The following RXFP1 variants were observed in gnomAD, a reference collection of about 807,000 sequenced individuals.
RXFP1 encodes the protein relaxin receptor 1.
Under a neutral mutation model 89.8 loss-of-function variants are expected in RXFP1, and 73 were observed. The observed-to-expected ratio is 0.81, with a 90% CI of 0.67 to 0.99. The LOEUF is 0.99. Among genes scored for constraint, RXFP1 ranks in the 50% least tolerant of loss-of-function variants. The pLI, the probability that RXFP1 is intolerant of heterozygous loss-of-function variation, is 0.00. For synonymous variants in RXFP1, 277 were observed against 305.5 expected (o/e 0.91, Z 0.97); for missense variants, 793 against 895.5 (o/e 0.89, Z 1.46).
intron 1 of RXFP1, among the ~76,000 whole-genome samples, chr4:158,553,688 G>A (rs2149901230): frequency 6.6e-6 from 1 of 152,276 alleles, no homozygotes; most frequent in East Asian, 1.9e-4. Flanking sequence ...GAAGGTTAGA[G>A]TCATATTTCT....
intron 6 of RXFP1, chr4:158,610,683 C>T: frequency 1.6e-6 from 2 of 1,289,646 alleles, no homozygotes; most frequent in Non-Finnish European, 2.0e-6. Flanking sequence ...CTGGGCAAAA[C>T]AGGTGAGCAT....
chr4:158,628,952 C>A (rs1767484446), intron 11 of RXFP1, among the ~76,000 whole-genome samples: 1 of 106,098 alleles, frequency 9.4e-6, no homozygotes, highest in East Asian at 2.0e-4. Context: ...ATAATAAAGC[C>A]AGTATAAAAT....
At chr4:158,538,042 C>G (rs939390697) in intron 1 of RXFP1, among the ~76,000 whole-genome samples, 1 of 152,130 alleles carries the variant, frequency 6.6e-6, no homozygotes, top group East Asian at 1.9e-4. Context: ...CAGACCAAAC[C>G]TAGCACATCA....
intron 17 of RXFP1, among the ~76,000 whole-genome samples, chr4:158,649,567 C>T (rs114107051): frequency 0.013 from 1,935 of 152,128 alleles, 30 homozygotes; most frequent in African/African-American, 0.042. Context: ...GCCATGATTG[C>T]ACCACTGCAC....
At chr4:158,541,091 T>G (rs1028645129) in intron 1 of RXFP1, among the ~76,000 whole-genome samples, 1 of 152,174 alleles carries the variant, frequency 6.6e-6, no homozygotes, top group Admixed American at 6.6e-5. Flanking sequence ...CTGCCCTTGA[T>G]GGCATTCAGA....
intron 1 of RXFP1, 52 bp from the exon 2 acceptor site, chr4:158,572,646 C>T (rs529788116): frequency 1.7e-5 from 26 of 1,528,592 alleles, no homozygotes; most frequent in South Asian, 1.7e-4. Context: ...CTCTTTGCCA[C>T]GCCTTTGTAT....
At chr4:158,578,956 A>T (rs1269207113) in intron 2 of RXFP1, among the ~76,000 whole-genome samples, 5 of 149,294 alleles carry the variant, frequency 3.3e-5, no homozygotes, top group African/African-American at 5.0e-5. Context: ...ATTTGGAAAT[A>T]GGGTCTTTGC....
intron 9 of RXFP1, among the ~76,000 whole-genome samples, chr4:158,619,356 G>T (rs575770864): frequency 6.6e-6 from 1 of 152,270 alleles, no homozygotes; most frequent in South Asian, 2.1e-4. Context: ...CAGTCATAAG[G>T]TAGCCAAATA....
chr4:158,647,717 A>T (rs936455456), intron 16 of RXFP1, among the ~76,000 whole-genome samples: 1 of 152,060 alleles, frequency 6.6e-6, no homozygotes, highest in African/African-American at 2.4e-5. Context: ...AATTATTTTT[A>T]AAAAATTAGC....
In RXFP1 at chr4:158,575,912, G is replaced by T. The variant is rs577849009; in HGVS notation, c.187+3077G>T. On this transcript the variant is annotated intron_variant, in intron 2 of 17. Coordinates refer to ENST00000307765, the MANE Select transcript of RXFP1 (RefSeq NM_021634.4). ...ATTTAGCTTATGATTCTTGGGGTCA[G>T]CAATTTTGGATGGACTCCACTGAGA... is the stretch of plus-strand genomic sequence containing the variant. Among the ~76,000 whole-genome samples the T allele has an allele frequency of 2.0e-5, 3 of 152,270 alleles. No individual in the cohort carries two copies. In the East Asian group the frequency reaches 5.8e-4, roughly 29 times the overall value.
intron 2 of RXFP1, among the ~76,000 whole-genome samples, chr4:158,585,708 A>G (rs550475461): frequency 6.6e-6 from 1 of 152,346 alleles, no homozygotes; most frequent in Admixed American, 6.5e-5. Flanking sequence ...CTTAGTAGTC[A>G]CTGAGGTATA....
chr4:158,544,357 G>T, intron 1 of RXFP1: 1 of 985,186 alleles, frequency 1.0e-6, no homozygotes, highest in Non-Finnish European at 1.2e-6. Flanking sequence ...TGCACTGAAG[G>T]ATTTCAAAAG....
intron 9 of RXFP1, among the ~76,000 whole-genome samples, chr4:158,619,528 A>G (rs1765208854): frequency 6.6e-6 from 1 of 152,226 alleles, no homozygotes; most frequent in Non-Finnish European, 1.5e-5. Flanking sequence ...AGTGCTTTAA[A>G]AGAACTGGGA....
chr4:158,599,542 C>A, intron 4 of RXFP1, 111 bp downstream of exon 4: 1 of 881,456 alleles, frequency 1.1e-6, no homozygotes, highest in Non-Finnish European at 1.7e-6. Context: ...AAGATGATGT[C>A]ATTTTTCCTG....
chr4:158,646,188 T>C lies in RXFP1; in HGVS notation c.1346-603T>C, dbSNP rs139516745. 4.4e-4 allele frequency: 127 copies of C among 285,900 alleles called. 1 individual carries two copies. The highest frequency in any genetic ancestry group is 2.6e-3 in the African/African-American group (113 of 44,040). 17.7% of individuals were successfully genotyped at this position (285,900 alleles called of 1,614,324 possible). On this transcript the variant is annotated intron_variant, in intron 15 of 17. Coordinates refer to ENST00000307765, the MANE Select transcript of RXFP1 (RefSeq NM_021634.4). ...AAAGAGACAGAAAAAGATGTAAAAA[T>C]TGAAAGAGAGAGAAAACAGTTTTGC...
In RXFP1 at chr4:158,556,983, G is replaced by C. The variant is rs1480380436; in HGVS notation, c.50-15715G>C. 2.0e-5 allele frequency among the ~76,000 whole-genome samples: 3 copies of C among 152,128 alleles called. No homozygotes were observed. The East Asian group carries it at 5.8e-4, about 29-fold the overall frequency. ...AAGGATACAAAGTTACAATTACATAGAAGGAATAAATTATAGTGTTCTATT... is the reference window on the plus strand; with the variant it reads ...AAGGATACAAAGTTACAATTACATACAAGGAATAAATTATAGTGTTCTATT... On this transcript the variant is annotated intron_variant, in intron 1 of 17. Transcript: ENST00000307765.
chr4:158,619,634 G>A (rs1483881978), intron 9 of RXFP1, among the ~76,000 whole-genome samples: 2 of 152,148 alleles, frequency 1.3e-5, no homozygotes, highest in Non-Finnish European at 2.9e-5. Flanking sequence ...AAGGAAACCA[G>A]ACAGAGCCCT....
At chr4:158,626,598 A>T (rs1257728670) in intron 9 of RXFP1, among the ~76,000 whole-genome samples, 1 of 152,050 alleles carries the variant, frequency 6.6e-6, no homozygotes. Context: ...CATGATACAG[A>T]TGGGACGCAA....
chr4:158,536,131 T>C (rs1001372469), intron 1 of RXFP1, among the ~76,000 whole-genome samples: 2 of 152,190 alleles, frequency 1.3e-5, no homozygotes, highest in Admixed American at 6.5e-5. Flanking sequence ...ACTCAGAAAG[T>C]ATCAATCAAC....
Sources: allele counts gnomAD v4.1 joint callset (sites outside exome capture counted in the v4.1 genomes callset), GRCh38; gene constraint gnomAD v4.1.1; transcripts MANE v1.5; gene names NCBI Gene and HGNC (gene_info 2026-07-23, HGNC 2026-07-21).